The following FBXO28 variants were observed in gnomAD, a reference collection of about 807,000 sequenced individuals.
FBXO28 encodes F-box only protein 28.
FBXO28 carries 8 observed loss-of-function variants against 38.1 expected under a neutral mutation model. The observed-to-expected ratio is 0.21, with a 90% CI of 0.12 to 0.38. The LOEUF (loss-of-function observed/expected upper bound fraction) is 0.38. Ranked by LOEUF, FBXO28 falls within the 10% of genes least tolerant of loss-of-function variation. The pLI is 1.00. For missense variants in FBXO28, 345 were observed against 460.6 expected (o/e 0.75, Z 2.30); for synonymous variants, 168 against 173.8 (o/e 0.97, Z 0.26).
rs1462824950 is a variant in FBXO28, at chr1:224,162,042, C to A, written c.*4296C>A. On this transcript the variant is annotated 3_prime_UTR_variant, in exon 5 of 5. Coordinates refer to ENST00000366862, the MANE Select transcript of FBXO28 (RefSeq NM_015176.4). ...GGGTACGTAAATAAATGTGTTGTTACCAGTGCTACTTGTTTTCTTTGTATT... is the reference window on the plus strand; with the variant it reads ...GGGTACGTAAATAAATGTGTTGTTAACAGTGCTACTTGTTTTCTTTGTATT... 1 of 152,138 alleles carries A rather than the reference C, an allele frequency of 6.6e-6. No homozygotes were observed. Among genetic ancestry groups the A allele is most frequent in the African/African-American group, 2.4e-5 (1 of 41,426 alleles). The allele number at this position is 152,138 out of a possible 1,614,324, so 9.4% of individuals were successfully genotyped here. A position where few individuals can be genotyped will look rare whatever the true frequency, so the allele number is the denominator to read the frequency against.
intron 1 of FBXO28, among the ~76,000 whole-genome samples, chr1:224,115,498 T>A (rs991336194): frequency 1.3e-5 from 2 of 152,244 alleles, no homozygotes; most frequent in Non-Finnish European, 2.9e-5. Flanking sequence ...ATTACATTTT[T>A]AAAGGAAATC....
intron 4 of FBXO28, 40 bp from the exon 5 acceptor site, chr1:224,157,312 C>A: frequency 6.5e-7 from 1 of 1,542,050 alleles, no homozygotes; most frequent in South Asian, 1.3e-5. Context: ...GGTAGAGAGA[C>A]ATTTTAAGTG....
Position 224,157,658 on chromosome 1 carries a change from A to G in FBXO28, c.1019A>G (p.Gln340Arg), listed in dbSNP as rs752919274. 17 of 1,614,152 alleles carry G rather than the reference A, an allele frequency of 1.1e-5. No individual in the cohort carries two copies. The South Asian group carries it at 1.8e-4, about 17-fold the overall frequency. ...SAVGNSSGSG[Q>R]NEESPRKRKK... The stretch of plus-strand genomic sequence containing the variant: ...GTAGGAAATTCCTCAGGGTCCGGGC[A>G]GAATGAGGAGTCTCCTCGGAAACGA... The change falls in exon 5 of 5, where the codon CAG becomes CGG. Residue 340 changes from glutamine to arginine, a missense_variant. Gln to Arg is a conservative substitution (Grantham distance 43). Transcript: ENST00000366862.
In FBXO28 at chr1:224,160,784, CTATT is replaced by C. The variant is rs1390689800; in HGVS notation, c.*3041_*3044del. ...ACTTTACAGGGGCTTGCCTTAATCT[CTATT>C]TAGTAGTTTCAAGATATATGCGCAA... On this transcript the variant is annotated 3_prime_UTR_variant, in exon 5 of 5. Transcript: ENST00000366862. 4 of 152,144 alleles carry C rather than the reference CTATT, an allele frequency of 2.6e-5. No individual in the cohort carries two copies. In the East Asian group the frequency reaches 5.8e-4, roughly 22 times the overall value. The allele number at this position is 152,144 out of a possible 1,614,324, so 9.4% of individuals were successfully genotyped here.
At chr1:224,117,832 A>AC (rs1656677099) in intron 1 of FBXO28, among the ~76,000 whole-genome samples, 1 of 151,838 alleles carries the variant, frequency 6.6e-6, no homozygotes, top group Admixed American at 6.6e-5. Context: ...ACATGGTGAA[A>AC]CCCCATCTCT....
chr1:224,125,277 T>C (rs1415320217), intron 1 of FBXO28, among the ~76,000 whole-genome samples: 2 of 152,062 alleles, frequency 1.3e-5, no homozygotes, highest in African/African-American at 4.8e-5. Flanking sequence ...CTCATGCCTC[T>C]GTACCTGGCT....
At chr1:224,116,371 G>C (rs1656643353) in intron 1 of FBXO28, among the ~76,000 whole-genome samples, 1 of 152,162 alleles carries the variant, frequency 6.6e-6, no homozygotes, top group Admixed American at 6.6e-5. Flanking sequence ...GCAGTCAAGA[G>C]AGTACCTAGG....
chr1:224,124,875 C>T (rs771445774), intron 1 of FBXO28, among the ~76,000 whole-genome samples: 53 of 152,042 alleles, frequency 3.5e-4, no homozygotes, highest in Non-Finnish European at 5.9e-4. Flanking sequence ...TTACAGGCGC[C>T]GGCTACCATG....
intron 4 of FBXO28, among the ~76,000 whole-genome samples, chr1:224,155,251 C>T (rs540292233): frequency 7.2e-4 from 109 of 152,016 alleles, no homozygotes; most frequent in Non-Finnish European, 1.4e-3. Context: ...CTGCAACGTC[C>T]GCCTCCCAAG....
intron 1 of FBXO28, among the ~76,000 whole-genome samples, chr1:224,117,115 C>T (rs2102606687): frequency 6.7e-6 from 1 of 150,316 alleles, no homozygotes; most frequent in East Asian, 1.9e-4. Context: ...AGGGGTTGCA[C>T]AACGTGAGCC....
Position 224,130,073 on chromosome 1 carries a change from G to A in FBXO28, c.268-399G>A, listed in dbSNP as rs1657001086. ...TTACATACAGCAGGCCAGCTGTGGT[G>A]GCTCACTCCTGTAATCCCAATATTC... On this transcript the variant is annotated intron_variant, in intron 1 of 4. Transcript: ENST00000366862. Among the ~76,000 whole-genome samples, 3 of 152,292 alleles carry A rather than the reference G, an allele frequency of 2.0e-5. No homozygotes were observed. In the South Asian group the frequency reaches 6.2e-4, roughly 32 times the overall value.
intron 1 of FBXO28, among the ~76,000 whole-genome samples, 173 bp from the exon 2 acceptor site, chr1:224,130,299 A>G (rs1810344): frequency 0.93 from 140,816 of 152,144 alleles, 66,030 homozygotes; most frequent in Non-Finnish European, 1. Flanking sequence ...CTGAGATTGC[A>G]CCACTGCACT....
chr1:224,150,506 C>A lies in FBXO28; in HGVS notation c.517-2636C>A, dbSNP rs150890871. Among the ~76,000 whole-genome samples the A allele has an allele frequency of 1.7e-3, 253 of 152,194 alleles. 1 individual carries two copies. Among genetic ancestry groups the A allele is most frequent in the Non-Finnish European group, 3.1e-3 (208 of 68,008 alleles). On this transcript the variant is annotated intron_variant, in intron 3 of 4. Transcript: ENST00000366862. ...ATATTTTTAATTTTATTAACTATTT[C>A]TTGATTATGTATAAATATTATATAA...
intron 1 of FBXO28, among the ~76,000 whole-genome samples, chr1:224,114,645 C>G (rs148131793): frequency 2.3e-4 from 25 of 108,002 alleles, no homozygotes; most frequent in Non-Finnish European, 3.6e-4. Flanking sequence ...GCTCCTTGCC[C>G]CCCGCCCGGA....
At chr1:224,117,341 G>A (rs1179610385) in intron 1 of FBXO28, among the ~76,000 whole-genome samples, 2 of 151,822 alleles carry the variant, frequency 1.3e-5, no homozygotes, top group East Asian at 3.9e-4. Context: ...CTAATTTTTC[G>A]TATTTTAGTA....
At chr1:224,153,420 T>TG in intron 4 of FBXO28, 83 bp downstream of exon 4, 1 of 1,019,254 alleles carries the variant, frequency 9.8e-7, no homozygotes, top group Admixed American at 2.6e-5. Flanking sequence ...GTCTTGAACT[T>TG]TTCTGTGTTA....
At chr1:224,142,554 G>A (rs936996720) in intron 3 of FBXO28, among the ~76,000 whole-genome samples, 4 of 151,950 alleles carry the variant, frequency 2.6e-5, no homozygotes, top group Admixed American at 6.6e-5. Context: ...AGTGGCTCAC[G>A]CCTGTGATCC....
chr1:224,131,737 T>C (rs1323991936), intron 2 of FBXO28, among the ~76,000 whole-genome samples: 1 of 152,150 alleles, frequency 6.6e-6, no homozygotes, highest in Non-Finnish European at 1.5e-5. Flanking sequence ...GAAAACATAG[T>C]AGTAAGTCTT....
At chr1:224,136,620 C>T (rs996392222) in intron 3 of FBXO28, among the ~76,000 whole-genome samples, 8 of 149,652 alleles carry the variant, frequency 5.3e-5, no homozygotes, top group East Asian at 2.0e-4. Context: ...CCCAGCTACT[C>T]GGGAGGCTGA....
Sources: gnomAD v4.1 joint callset for allele counts (sites outside exome capture counted in the v4.1 genomes callset) on GRCh38, gnomAD v4.1.1 for gene constraint, MANE v1.5 for transcripts, NCBI Gene and HGNC (gene_info 2026-07-23, HGNC 2026-07-21) for gene names.